The following MME variants were observed in gnomAD, a reference collection of about 807,000 sequenced individuals.
MME encodes the protein membrane metalloendopeptidase.
In MME, 98 loss-of-function variants were observed where a neutral mutation model predicts 113.2. That is an observed-to-expected ratio of 0.87 (90% CI 0.74 to 1.02). The LOEUF is 1.02. MME is among the 50% of genes least tolerant of loss of function. The pLI is 0.00. For synonymous variants in MME, 292 were observed against 300.6 expected (o/e 0.97, Z 0.30); for missense variants, 836 against 896.0 (o/e 0.93, Z 0.86).
chr3:155,153,896 A>C (rs187870993), intron 16 of MME, among the ~76,000 whole-genome samples: 17 of 152,298 alleles, frequency 1.1e-4, no homozygotes, highest in Non-Finnish European at 1.9e-4. Flanking sequence ...GGAGTCTATG[A>C]TCTTAAGGGG....
At chr3:155,075,952 T>C (rs969941258), upstream of MME, among the ~76,000 whole-genome samples, 1 of 152,262 alleles carries the variant, frequency 6.6e-6, no homozygotes, top group Non-Finnish European at 1.5e-5. Flanking sequence ...GATTTATTTA[T>C]GTTGTTACTA....
At chr3:155,103,593 A>G (rs1717446834) in intron 3 of MME, among the ~76,000 whole-genome samples, 1 of 152,230 alleles carries the variant, frequency 6.6e-6, no homozygotes, top group Non-Finnish European at 1.5e-5. Context: ...TTTTCTGTTT[A>G]AGGGAAAATT....
At chr3:155,149,884 C>A (rs1368412732) in intron 16 of MME, among the ~76,000 whole-genome samples, 3 of 152,174 alleles carry the variant, frequency 2.0e-5, no homozygotes, top group Non-Finnish European at 2.9e-5. Context: ...ATTGTGTTAT[C>A]TGATGCTAAA....
intron 8 of MME, among the ~76,000 whole-genome samples, chr3:155,124,874 TTGTC>T (rs1444801611): frequency 1.3e-5 from 2 of 152,172 alleles, no homozygotes; most frequent in African/African-American, 2.4e-5. Flanking sequence ...GTCTTTTTGT[TTGTC>T]TGTGCCCTGC....
At chr3:155,112,210 G>A (rs1436630) in intron 3 of MME, 101,323 of 151,994 alleles carry the variant, frequency 0.67, 33,909 homozygotes, top group South Asian at 0.74. Context: ...ATTTGCATGC[G>A]AAAAATGAAT....
chr3:155,158,757 T>A (rs1722495332), intron 16 of MME: 1 of 151,972 alleles, frequency 6.6e-6, no homozygotes, highest in East Asian at 1.9e-4. Flanking sequence ...GGGAAGCAAA[T>A]AGAGTTTAAT....
chr3:155,050,019 A>G (rs1269786838), intron 1 of MME, among the ~76,000 whole-genome samples: 1 of 151,920 alleles, frequency 6.6e-6, no homozygotes, highest in African/African-American at 2.4e-5. Flanking sequence ...AGTATCTAGC[A>G]TTCTCCTCTT....
chr3:155,111,111 C>T (rs1408013797), intron 3 of MME, among the ~76,000 whole-genome samples: 3 of 152,178 alleles, frequency 2.0e-5, no homozygotes, highest in African/African-American at 4.8e-5. Context: ...AAAACAATTA[C>T]GACCAGTTTG....
At chr3:155,048,532 A>AT (rs908782188) in intron 1 of MME, among the ~76,000 whole-genome samples, 6 of 152,094 alleles carry the variant, frequency 3.9e-5, no homozygotes, top group East Asian at 3.9e-4. Flanking sequence ...CAAATCTTGA[A>AT]TTTTTTTTAT....
chr3:155,077,709 A>G (rs1033971213), upstream of MME, among the ~76,000 whole-genome samples: 6 of 149,436 alleles, frequency 4.0e-5, no homozygotes, highest in African/African-American at 1.3e-4. Context: ...ACCCTCATCT[A>G]AACAAAAAAA....
chr3:155,113,958 T>TG (rs1345626659), intron 3 of MME, among the ~76,000 whole-genome samples: 1 of 151,904 alleles, frequency 6.6e-6, no homozygotes, highest in Non-Finnish European at 1.5e-5. Flanking sequence ...AGTGGTTCAA[T>TG]GGGGGGGCTT....
intron 9 of MME, among the ~76,000 whole-genome samples, chr3:155,138,489 T>A (rs1353791516): frequency 4.6e-5 from 7 of 152,210 alleles, no homozygotes; most frequent in Non-Finnish European, 1.0e-4. Context: ...TTGCCTTTTA[T>A]AAGTGGATTC....
intron 8 of MME, among the ~76,000 whole-genome samples, chr3:155,126,246 C>G (rs1217870950): frequency 6.6e-6 from 1 of 152,046 alleles, no homozygotes; most frequent in Non-Finnish European, 1.5e-5. Context: ...TTTTGGTTCA[C>G]TATTGTACAT....
At chr3:155,110,415 T>C (rs1214726351) in intron 3 of MME, among the ~76,000 whole-genome samples, 1 of 152,226 alleles carries the variant, frequency 6.6e-6, no homozygotes, top group African/African-American at 2.4e-5. Flanking sequence ...TTTCCCAGCG[T>C]ATACTACATC....
At chr3:155,123,298 G>C (rs1478400903) in intron 8 of MME, among the ~76,000 whole-genome samples, 1 of 84,162 alleles carries the variant, frequency 1.2e-5, no homozygotes, top group African/African-American at 4.6e-5. Flanking sequence ...CTTTTATTTT[G>C]AGCCTATGTG....
At chr3:155,148,704 T>C (rs750073145) in intron 16 of MME, 51 bp downstream of exon 16, 1 of 1,355,746 alleles carries the variant, frequency 7.4e-7, no homozygotes, top group Non-Finnish European at 1.1e-6. Flanking sequence ...GGTCTTTCCC[T>C]CCTTTCTTTG....
intron 1 of MME, among the ~76,000 whole-genome samples, chr3:155,047,296 T>C (rs1713590063): frequency 6.6e-6 from 1 of 152,218 alleles, no homozygotes; most frequent in Non-Finnish European, 1.5e-5. Flanking sequence ...ATTTTACCAC[T>C]GTCTATAGTA....
chr3:155,045,734 T>A (rs1331361487), intron 1 of MME, among the ~76,000 whole-genome samples: 1 of 151,734 alleles, frequency 6.6e-6, no homozygotes, highest in Non-Finnish European at 1.5e-5. Flanking sequence ...GTTTTCCATT[T>A]TGTTGATTTC....
intron 16 of MME, among the ~76,000 whole-genome samples, chr3:155,154,204 T>C (rs2108337901): frequency 6.6e-6 from 1 of 152,244 alleles, no homozygotes; most frequent in South Asian, 2.1e-4. Flanking sequence ...TTTTCTAATC[T>C]GGTGCAATTG....
Sources: allele counts gnomAD v4.1 joint callset (sites outside exome capture counted in the v4.1 genomes callset), GRCh38; gene constraint gnomAD v4.1.1; transcripts MANE v1.5; gene names NCBI Gene and HGNC (gene_info 2026-07-23, HGNC 2026-07-21).